Variants in NRXN1 observed in about 807,000 individuals in gnomAD.
NRXN1 encodes neurexin 1.
A neutral mutation model predicts 150.9 loss-of-function variants in NRXN1; 39 were observed. That is an observed-to-expected ratio of 0.26 (90% confidence interval 0.20 to 0.34). The LOEUF is 0.34. Among genes scored for constraint, NRXN1 ranks in the 10% least tolerant of loss-of-function variants. The pLI is 1.00. For missense variants in NRXN1, 1,815 were observed against 1,949.9 expected (o/e 0.93, Z 1.30); for synonymous variants, 924 against 757.0 (o/e 1.22, Z -3.62).
At chr2:50,235,103 T>C (rs924057790) in intron 18 of NRXN1, among the ~76,000 whole-genome samples, 2 of 152,136 alleles carry the variant, frequency 1.3e-5, no homozygotes, top group African/African-American at 4.8e-5. Context: ...TAATTGGTTA[T>C]GGATCAATAA....
At chr2:49,922,581 T>A (rs1371830585) in intron 22 of NRXN1, among the ~76,000 whole-genome samples, 1 of 152,036 alleles carries the variant, frequency 6.6e-6, no homozygotes. Context: ...AAACCCAGCA[T>A]AAAGAAAAGC....
intron 5 of NRXN1, among the ~76,000 whole-genome samples, chr2:50,901,042 T>C (rs558484286): frequency 1.1e-4 from 17 of 152,282 alleles, no homozygotes; most frequent in Middle Eastern, 6.8e-3. Context: ...CTGATTTTTT[T>C]CTCTATAGAA....
chr2:50,427,636 G>A (rs1247522863), intron 17 of NRXN1, among the ~76,000 whole-genome samples: 2 of 151,970 alleles, frequency 1.3e-5, no homozygotes. Context: ...CAACTGGAAG[G>A]GCATACTCTT....
At chr2:50,501,020 T>C (rs1216346561) in intron 13 of NRXN1, among the ~76,000 whole-genome samples, 1 of 152,186 alleles carries the variant, frequency 6.6e-6, no homozygotes, top group African/African-American at 2.4e-5. Flanking sequence ...TGTAATTAAA[T>C]CTATAATAAC....
intron 17 of NRXN1, chr2:50,312,890 T>G (rs1444027678): frequency 2.2e-6 from 1 of 444,450 alleles, no homozygotes; most frequent in African/African-American, 2.0e-5. Flanking sequence ...GAGCACTACA[T>G]AAGCAACTTG....
chr2:50,189,443 A>G (rs1439838020), intron 18 of NRXN1, among the ~76,000 whole-genome samples: 1 of 152,152 alleles, frequency 6.6e-6, no homozygotes, highest in Non-Finnish European at 1.5e-5. Flanking sequence ...GCAGCAAACC[A>G]CCATGGCACA....
intron 5 of NRXN1, among the ~76,000 whole-genome samples, chr2:50,698,118 C>T (rs1024690280): frequency 7.9e-5 from 12 of 152,174 alleles, no homozygotes; most frequent in Non-Finnish European, 1.5e-4. Flanking sequence ...AAACATTGTG[C>T]GGGCAGGGTC....
At chr2:50,242,543 C>A in intron 17 of NRXN1, among the ~76,000 whole-genome samples, 1 of 151,592 alleles carries the variant, frequency 6.6e-6, no homozygotes, top group South Asian at 2.1e-4. Context: ...ATTAAAAATT[C>A]AGAAAAAGTG....
At chr2:50,565,630 G>GA (rs1306811420) in intron 8 of NRXN1, among the ~76,000 whole-genome samples, 1 of 151,888 alleles carries the variant, frequency 6.6e-6, no homozygotes, top group Non-Finnish European at 1.5e-5. Context: ...AATAGGATGA[G>GA]AAAAAACAAT....
intron 17 of NRXN1, among the ~76,000 whole-genome samples, chr2:50,350,172 T>C (rs975739777): frequency 6.6e-6 from 1 of 152,192 alleles, no homozygotes; most frequent in Admixed American, 6.5e-5. Context: ...TGTTTCTGAA[T>C]GATAATGACA....
At chr2:50,959,809 A>T (rs903041367) in intron 2 of NRXN1, among the ~76,000 whole-genome samples, 2 of 152,062 alleles carry the variant, frequency 1.3e-5, no homozygotes, top group African/African-American at 4.8e-5. Flanking sequence ...CTCAGTTTCA[A>T]GAAACATGGA....
intron 21 of NRXN1, among the ~76,000 whole-genome samples, chr2:50,014,973 G>C (rs185028025): frequency 2.1e-4 from 32 of 152,238 alleles, no homozygotes; most frequent in Admixed American, 3.3e-4. Flanking sequence ...TTTATCAAAA[G>C]GCTGACTTTC....
At chr2:50,405,346 A>G (rs1176873661) in intron 17 of NRXN1, among the ~76,000 whole-genome samples, 1 of 152,136 alleles carries the variant, frequency 6.6e-6, no homozygotes. Flanking sequence ...ATCAAATAAA[A>G]TGCTATTGCA....
chr2:50,798,008 G>T (rs1257788972), intron 5 of NRXN1, among the ~76,000 whole-genome samples: 2 of 152,084 alleles, frequency 1.3e-5, no homozygotes, highest in African/African-American at 4.8e-5. Flanking sequence ...ATTTGAGGCG[G>T]GCTGGTAGAA....
intron 18 of NRXN1, among the ~76,000 whole-genome samples, chr2:50,195,178 G>A (rs936608344): frequency 6.6e-6 from 1 of 152,080 alleles, no homozygotes; most frequent in East Asian, 1.9e-4. Flanking sequence ...TTCTTATTCT[G>A]TATTCTATAA....
chr2:50,612,117 T>G (rs1651272526), intron 8 of NRXN1, among the ~76,000 whole-genome samples: 1 of 152,124 alleles, frequency 6.6e-6, no homozygotes. Flanking sequence ...CGCTCTCAGA[T>G]TATTTGGGTG....
chr2:50,166,943 A>T (rs1213018540), intron 18 of NRXN1, among the ~76,000 whole-genome samples: 1 of 152,194 alleles, frequency 6.6e-6, no homozygotes, highest in Non-Finnish European at 1.5e-5. Flanking sequence ...GTAGTCAAGT[A>T]GGATGGAGGC....
chr2:50,511,215 C>T (rs973268356), intron 12 of NRXN1, among the ~76,000 whole-genome samples: 3 of 152,136 alleles, frequency 2.0e-5, no homozygotes, highest in Admixed American at 2.0e-4. Context: ...CACCCACTAC[C>T]ATGCCCAGCT....
At chr2:50,887,032 T>C (rs1310382304) in intron 5 of NRXN1, among the ~76,000 whole-genome samples, 1 of 151,452 alleles carries the variant, frequency 6.6e-6, no homozygotes, top group African/African-American at 2.4e-5. Context: ...GGGTATTTAA[T>C]GTATAGTTGT....
Sources: gnomAD v4.1 joint callset for allele counts (sites outside exome capture counted in the v4.1 genomes callset) on GRCh38, gnomAD v4.1.1 for gene constraint, MANE v1.5 for transcripts, NCBI Gene and HGNC (gene_info 2026-07-23, HGNC 2026-07-21) for gene names.